RBFOX1: variants seen among roughly 807,000 people sequenced by gnomAD.
The protein encoded by RBFOX1 is RNA binding fox-1 homolog 1, also known as RNA binding protein fox-1 homolog 1.
A neutral mutation model predicts 57.7 loss-of-function variants in RBFOX1; 8 were observed. The observed-to-expected ratio is 0.14, with a 90% CI of 0.08 to 0.25. The LOEUF (loss-of-function observed/expected upper bound fraction) is 0.25, where lower values mean the gene tolerates loss of function less well. Ranked by LOEUF, RBFOX1 falls within the 10% of genes least tolerant of loss-of-function variation. RBFOX1 has a pLI of 1.00. For missense variants in RBFOX1, 611 were observed against 548.5 expected (o/e 1.11, Z -1.14); for synonymous variants, 326 against 222.4 (o/e 1.47, Z -4.15).
At chr16:7,291,677 C>T (rs963846833) in intron 4 of RBFOX1, among the ~76,000 whole-genome samples, 2 of 151,770 alleles carry the variant, frequency 1.3e-5, no homozygotes, top group Non-Finnish European at 2.9e-5. Context: ...AAGGATGGGA[C>T]CTTGGCACTG....
intron 3 of RBFOX1, among the ~76,000 whole-genome samples, chr16:6,816,806 G>A (rs1229631587): frequency 6.6e-6 from 1 of 151,730 alleles, no homozygotes; most frequent in Non-Finnish European, 1.5e-5. Flanking sequence ...CTGCAGTGAT[G>A]CAATCATATC....
chr16:7,130,088 A>C (rs1320590601), intron 4 of RBFOX1, among the ~76,000 whole-genome samples: 1 of 146,872 alleles, frequency 6.8e-6, no homozygotes, highest in Non-Finnish European at 1.5e-5. Flanking sequence ...GCTGGGGTGC[A>C]ATGGCGAGAT....
intron 6 of RBFOX1, among the ~76,000 whole-genome samples, chr16:7,580,918 C>G (rs940108272): frequency 2.6e-5 from 4 of 152,172 alleles, no homozygotes; most frequent in Admixed American, 2.0e-4. Context: ...AGAGACTCTT[C>G]CTCTAAGAGT....
At chr16:7,347,175 G>T (rs1180263886) in intron 4 of RBFOX1, among the ~76,000 whole-genome samples, 1 of 152,130 alleles carries the variant, frequency 6.6e-6, no homozygotes, top group Non-Finnish European at 1.5e-5. Flanking sequence ...GTGGATGGGG[G>T]TTGCTGCTAT....
intron 4 of RBFOX1, among the ~76,000 whole-genome samples, chr16:7,510,652 A>G (rs1415216347): frequency 2.6e-5 from 4 of 152,206 alleles, no homozygotes; most frequent in African/African-American, 4.8e-5. Flanking sequence ...GTTTAGCTCA[A>G]TTCACTTCTG....
intron 14 of RBFOX1, among the ~76,000 whole-genome samples, chr16:7,687,954 A>C (rs1005342625): frequency 3.9e-5 from 6 of 152,062 alleles, no homozygotes; most frequent in African/African-American, 1.4e-4. Flanking sequence ...AAAGATGCTC[A>C]AGTTAAATGA....
At chr16:6,660,642 C>T (rs2098695418) in intron 3 of RBFOX1, among the ~76,000 whole-genome samples, 1 of 152,108 alleles carries the variant, frequency 6.6e-6, no homozygotes, top group Non-Finnish European at 1.5e-5. Flanking sequence ...ATCTGCTTAT[C>T]TTTAAATTGG....
intron 1 of RBFOX1, among the ~76,000 whole-genome samples, chr16:6,193,826 T>C (rs550431069): frequency 4.1e-4 from 63 of 152,248 alleles, no homozygotes; most frequent in African/African-American, 1.4e-3. Flanking sequence ...AGCTCTGTTC[T>C]TCCTTCATTC....
chr16:6,887,272 C>G (rs938401859), intron 3 of RBFOX1, among the ~76,000 whole-genome samples: 1 of 152,072 alleles, frequency 6.6e-6, no homozygotes, highest in Non-Finnish European at 1.5e-5. Context: ...GTGTTATCTG[C>G]GAAGATGTTT....
chr16:6,949,584 T>C (rs923111305), intron 3 of RBFOX1, among the ~76,000 whole-genome samples: 52 of 152,300 alleles, frequency 3.4e-4, no homozygotes, highest in African/African-American at 1.2e-3. Flanking sequence ...TTGGCCTTTT[T>C]TTTTGTGCCT....
chr16:6,747,147 C>A (rs1285488135), intron 3 of RBFOX1, among the ~76,000 whole-genome samples: 1 of 152,154 alleles, frequency 6.6e-6, no homozygotes, highest in Non-Finnish European at 1.5e-5. Context: ...CAGTGGCTCA[C>A]GCCTATAATC....
At chr16:5,445,759 T>C (rs968648890) in intron 1 of RBFOX1, among the ~76,000 whole-genome samples, 1 of 152,216 alleles carries the variant, frequency 6.6e-6, no homozygotes, top group Non-Finnish European at 1.5e-5. Context: ...ATTTGGATCA[T>C]TGCCACTAAA....
intron 5 of RBFOX1, among the ~76,000 whole-genome samples, chr16:7,538,846 C>G (rs539018339): frequency 6.8e-6 from 1 of 147,900 alleles, no homozygotes; most frequent in Non-Finnish European, 1.5e-5. Flanking sequence ...TCTCCTCCCC[C>G]GCACCCCCAC....
intron 1 of RBFOX1, among the ~76,000 whole-genome samples, chr16:5,450,996 TG>T (rs2068408993): frequency 6.6e-6 from 1 of 152,212 alleles, no homozygotes; most frequent in Non-Finnish European, 1.5e-5. Flanking sequence ...TCAGCATGAC[TG>T]TGATGATTAA....
intron 2 of RBFOX1, among the ~76,000 whole-genome samples, chr16:5,524,160 T>G (rs2044139431): frequency 6.6e-6 from 1 of 152,188 alleles, no homozygotes; most frequent in Non-Finnish European, 1.5e-5. Flanking sequence ...AAACTAAATG[T>G]GAGATGGGTG....
At chr16:7,179,929 G>C (rs1321546132) in intron 4 of RBFOX1, among the ~76,000 whole-genome samples, 2 of 151,228 alleles carry the variant, frequency 1.3e-5, no homozygotes, top group African/African-American at 4.9e-5. Context: ...TTTTAGTAGA[G>C]ATGGGGTTTC....
intron 2 of RBFOX1, among the ~76,000 whole-genome samples, chr16:5,472,690 T>C (rs2151624529): frequency 6.6e-6 from 1 of 152,260 alleles, no homozygotes; most frequent in Non-Finnish European, 1.5e-5. Context: ...GCCTTCCCTG[T>C]TTGAGAGGCT....
At chr16:7,697,761 C>T (rs181750051) in intron 14 of RBFOX1, among the ~76,000 whole-genome samples, 3 of 152,278 alleles carry the variant, frequency 2.0e-5, no homozygotes, top group Non-Finnish European at 4.4e-5. Flanking sequence ...TTGGCCTTCT[C>T]ACTCCAGATG....
chr16:5,692,528 T>A (rs1191030309), intron 3 of RBFOX1, among the ~76,000 whole-genome samples: 1 of 152,110 alleles, frequency 6.6e-6, no homozygotes, highest in Non-Finnish European at 1.5e-5. Flanking sequence ...GTAGAGAAAG[T>A]CCATTTCTGC....
Sources: allele counts gnomAD v4.1 joint callset (sites outside exome capture counted in the v4.1 genomes callset), GRCh38; gene constraint gnomAD v4.1.1; transcripts MANE v1.5; gene names NCBI Gene and HGNC (gene_info 2026-07-23, HGNC 2026-07-21).